PAPOLA: variants seen among roughly 807,000 people sequenced by gnomAD.
PAPOLA encodes poly(A) polymerase alpha.
Under a neutral mutation model 100.6 loss-of-function variants are expected in PAPOLA, and 15 were observed. The ratio of observed to expected loss-of-function variants is 0.15; its 90% confidence interval spans 0.10 to 0.23. PAPOLA has a LOEUF of 0.23. Among genes scored for constraint, PAPOLA ranks in the 10% least tolerant of loss-of-function variants. The pLI is 1.00. For missense variants in PAPOLA, 533 were observed against 884.2 expected (o/e 0.60, Z 5.04); for synonymous variants, 293 against 300.0 (o/e 0.98, Z 0.24).
At chr14:96,533,567 T>G in intron 9 of PAPOLA, 2 of 905,174 alleles carry the variant, frequency 2.2e-6, no homozygotes, top group Non-Finnish European at 2.6e-6. Flanking sequence ...TTTTTTTTTT[T>G]TGTTTGAGAC....
At position 96,565,386 on chromosome 14, in the gene PAPOLA, A is replaced by C; in HGVS notation, c.*336A>C. On this transcript the variant is annotated 3_prime_UTR_variant, in exon 22 of 22. Coordinates refer to ENST00000216277, the MANE Select transcript of PAPOLA (RefSeq NM_032632.5). ...ATTGTTTGGAAAATTTGCAATACAA[A>C]CTGGCATAAGAATTACTTATTCTGA... The C allele has an allele frequency of 3.3e-6, 1 of 302,550 alleles. No homozygotes were observed. Among genetic ancestry groups the C allele is most frequent in the Non-Finnish European group, 6.0e-6 (1 of 165,340 alleles). 18.7% of individuals were successfully genotyped at this position (302,550 alleles called of 1,614,324 possible).
intron 19 of PAPOLA, among the ~76,000 whole-genome samples, chr14:96,559,521 C>T (rs1395118412): frequency 6.7e-6 from 1 of 148,266 alleles, no homozygotes; most frequent in East Asian, 2.0e-4. Flanking sequence ...AAAATGTTTG[C>T]TCTATTTCCT....
At chr14:96,550,320 T>C (rs1247363420) in intron 16 of PAPOLA, among the ~76,000 whole-genome samples, 2 of 152,230 alleles carry the variant, frequency 1.3e-5, no homozygotes, top group African/African-American at 4.8e-5. Flanking sequence ...CTCAGAATCA[T>C]ATATTCAGAT....
intron 10 of PAPOLA, 183 bp downstream of exon 10, chr14:96,534,746 T>C: frequency 4.3e-6 from 6 of 1,410,178 alleles, no homozygotes; most frequent in Non-Finnish European, 5.5e-6. Context: ...GAAGCATAAT[T>C]ATGTACCCTG....
intron 10 of PAPOLA, 198 bp downstream of exon 10, chr14:96,534,761 C>A: frequency 7.4e-7 from 1 of 1,356,058 alleles, no homozygotes. Flanking sequence ...ACCCTGTAAA[C>A]CACATTTAAT....
chr14:96,556,551 T>G (rs1490310684), intron 19 of PAPOLA, 138 bp downstream of exon 19: 1 of 675,766 alleles, frequency 1.5e-6, no homozygotes, highest in Non-Finnish European at 2.6e-6. Context: ...GGTGTGTCTG[T>G]AGTGCTTTAG....
At chr14:96,550,113 C>T (rs992756739) in intron 16 of PAPOLA, among the ~76,000 whole-genome samples, 1 of 152,208 alleles carries the variant, frequency 6.6e-6, no homozygotes, top group African/African-American at 2.4e-5. Flanking sequence ...TATGCCATTG[C>T]ACTTCAGTCT....
chr14:96,512,446 A>T (rs1025645481), intron 1 of PAPOLA, among the ~76,000 whole-genome samples: 3 of 152,226 alleles, frequency 2.0e-5, no homozygotes, highest in Non-Finnish European at 2.9e-5. Flanking sequence ...GCCTCAGTAT[A>T]GAGATGATTA....
rs78496427 is a variant in PAPOLA, at chr14:96,536,945, A to T, written c.1031-31A>T. On this transcript the variant is annotated intron_variant, in intron 11 of 21. Coordinates refer to ENST00000216277, the MANE Select transcript of PAPOLA (RefSeq NM_032632.5). The stretch of plus-strand genomic sequence containing the variant: ...AAAATTCTAGATTGTAGACTGAAGT[A>T]TGCAAACATTTTAATATGTTTTTAA... 3,404 of 1,217,032 alleles carry T rather than the reference A, an allele frequency of 2.8e-3. 81 individuals carry two copies. The African/African-American group carries it at 0.046, about 16-fold the overall frequency. The allele number at this position is 1,217,032 out of a possible 1,614,324, so 75.4% of individuals were successfully genotyped here. A position where few individuals can be genotyped will look rare whatever the true frequency, so the allele number is the denominator to read the frequency against.
chr14:96,513,176 G>C (rs187102620), intron 1 of PAPOLA, among the ~76,000 whole-genome samples: 2 of 152,202 alleles, frequency 1.3e-5, no homozygotes, highest in East Asian at 3.9e-4. Context: ...AGATCCTCTT[G>C]CCTCAGCCTT....
intron 9 of PAPOLA, chr14:96,532,896 C>T: frequency 2.6e-6 from 3 of 1,173,484 alleles, no homozygotes; most frequent in Non-Finnish European, 3.2e-6. Flanking sequence ...TCTGAATAAA[C>T]TCTGAATTTT....
chr14:96,548,966 G>A (rs1187263638), intron 16 of PAPOLA, among the ~76,000 whole-genome samples: 1 of 152,150 alleles, frequency 6.6e-6, no homozygotes, highest in Admixed American at 6.5e-5. Flanking sequence ...TTTCCTACCT[G>A]TGAAATTTGA....
chr14:96,543,804 T>C (rs931687863), intron 14 of PAPOLA, among the ~76,000 whole-genome samples: 8 of 152,092 alleles, frequency 5.3e-5, no homozygotes, highest in South Asian at 2.1e-4. Flanking sequence ...ATCCTTTTTT[T>C]CCCAGATTTT....
Position 96,556,232 on chromosome 14 carries a change from C to T in PAPOLA, c.1823C>T (p.Pro608Leu). ...ACACAACCAGCCATTTCTCCACCAC[C>T]AAAGCCTACGGTCTCCAGAGTTGTT... ...TATQPAISPPPKPTVSRVVSS... is the reference protein window; with the variant it reads ...TATQPAISPPLKPTVSRVVSS... Residue 608 changes from proline (P) to leucine (L), a missense_variant, in exon 19 of 22, where the codon CCA (proline) becomes CTA (leucine). Around this residue, in one of 9 missense-constraint regions of PAPOLA, gnomAD observed 242 missense variants for 281.0 expected, o/e 0.86. Transcript: ENST00000216277. 6.2e-7 allele frequency: 1 copy of T among 1,614,050 alleles called. No individual in the cohort carries two copies. The highest frequency in any genetic ancestry group is 8.5e-7 in the Non-Finnish European group (1 of 1,180,022).
intron 13 of PAPOLA, 152 bp downstream of exon 13, chr14:96,542,448 C>T (rs1472173725): frequency 2.9e-5 from 17 of 580,402 alleles, no homozygotes; most frequent in Non-Finnish European, 4.9e-5. Flanking sequence ...AGTGGAAGTA[C>T]AGAAATCAGG....
At chr14:96,545,217 G>A (rs764312542) in intron 15 of PAPOLA, among the ~76,000 whole-genome samples, 4 of 152,032 alleles carry the variant, frequency 2.6e-5, no homozygotes, top group African/African-American at 9.7e-5. Context: ...GTTAGTGCCA[G>A]TTTGTTAAAA....
intron 16 of PAPOLA, among the ~76,000 whole-genome samples, chr14:96,549,179 T>G (rs1035808219): frequency 6.6e-6 from 1 of 152,158 alleles, no homozygotes; most frequent in Non-Finnish European, 1.5e-5. Context: ...TATTCACAAC[T>G]TGGAGATAGG....
chr14:96,550,072 C>T (rs1247299020), intron 16 of PAPOLA, among the ~76,000 whole-genome samples: 2 of 152,104 alleles, frequency 1.3e-5, no homozygotes. Context: ...CATGTGTGCC[C>T]AATAGTTCAA....
intron 2 of PAPOLA, 147 bp from the exon 3 acceptor site, chr14:96,520,859 A>AGAGC (rs1239635796): frequency 1.9e-5 from 11 of 570,222 alleles, no homozygotes; most frequent in South Asian, 4.4e-5. Context: ...AGCGAGAGAG[A>AGAGC]GAGCGAGCGA....
Sources: allele counts gnomAD v4.1 joint callset (sites outside exome capture counted in the v4.1 genomes callset), GRCh38; gene constraint gnomAD v4.1.1; regional missense constraint gnomAD v4.1.1; transcripts MANE v1.5; gene names NCBI Gene and HGNC (gene_info 2026-07-23, HGNC 2026-07-21).